The following NCOA2 variants were observed in gnomAD, a reference collection of about 807,000 sequenced individuals.
NCOA2 encodes the protein nuclear receptor coactivator 2.
A neutral mutation model predicts 145.1 loss-of-function variants in NCOA2; 21 were observed. That is an observed-to-expected ratio of 0.14 (90% CI 0.10 to 0.21). The LOEUF (loss-of-function observed/expected upper bound fraction) is 0.21. Among genes scored for constraint, NCOA2 ranks in the 10% least tolerant of loss-of-function variants. The probability of loss-of-function intolerance (pLI) is 1.00; values close to 1 mark genes in which losing one functional copy is unlikely to be tolerated. For synonymous variants in NCOA2, 619 were observed against 637.5 expected (o/e 0.97, Z 0.44); for missense variants, 1,472 against 1,837.6 (o/e 0.80, Z 3.64).
At chr8:70,311,527 T>C (rs932750807) in intron 1 of NCOA2, among the ~76,000 whole-genome samples, 1 of 152,266 alleles carries the variant, frequency 6.6e-6, no homozygotes, top group Non-Finnish European at 1.5e-5. Flanking sequence ...AACAGTGTAC[T>C]GCACAAGAAC....
At position 70,247,824 on chromosome 8, in the gene NCOA2, A is replaced by C. The variant is rs537423238; in HGVS notation, c.-19-31060T>G. Among the ~76,000 whole-genome samples, 3 of 152,372 alleles carry C rather than the reference A, an allele frequency of 2.0e-5. No individual in the cohort carries two copies. The South Asian group carries it at 6.2e-4, about 32-fold the overall frequency. ...ATGCTGTGCATTCCCTGACCAGATC[A>C]ATCGCAGCTAAGATAATGCCTTCTG... On this transcript the variant is annotated intron_variant, in intron 2 of 22. Transcript: ENST00000452400.
chr8:70,173,734 G>A (rs1814506705), intron 5 of NCOA2, among the ~76,000 whole-genome samples: 1 of 152,154 alleles, frequency 6.6e-6, no homozygotes, highest in Admixed American at 6.5e-5. Flanking sequence ...TACAAAGACT[G>A]GGTCAGATGC....
Position 70,112,539 on chromosome 8 carries a change from A to G in NCOA2, c.*1093T>C. On this transcript the variant is annotated 3_prime_UTR_variant, in exon 23 of 23. Transcript: ENST00000452400. ...ACACTGGCGTTTTCTCCCATTTTGG[A>G]GGCCAGAGTTGCTGGGGAACAGAAT... is the stretch of plus-strand genomic sequence containing the variant. The G allele has an allele frequency of 9.7e-6, 2 of 205,256 alleles. No homozygotes were observed. The highest frequency in any genetic ancestry group is 2.0e-5 in the Non-Finnish European group (2 of 100,408). 12.7% of individuals were successfully genotyped at this position (205,256 alleles called of 1,614,324 possible). A position where few individuals can be genotyped will look rare whatever the true frequency, so the allele number is the denominator to read the frequency against.
intron 2 of NCOA2, among the ~76,000 whole-genome samples, chr8:70,240,958 G>A (rs1050990573): frequency 2.0e-5 from 3 of 152,240 alleles, no homozygotes; most frequent in South Asian, 2.1e-4. Context: ...CTCCAAGTGG[G>A]AGGGGCAGGT....
chr8:70,245,430 C>G (rs995533016), intron 2 of NCOA2: 3 of 152,098 alleles, frequency 2.0e-5, no homozygotes, highest in Non-Finnish European at 4.4e-5. Flanking sequence ...TCACATGACT[C>G]AGAAGCTACA....
Position 70,221,088 on chromosome 8 carries a change from T to C in NCOA2, c.-19-4324A>G, listed in dbSNP as rs551115431. Reference sequence around the variant, plus strand: ...GCCTGATAAATCATCTAGCTCTTGTTATGAGAACAGAAAGACTTAGAGATT... The same window carrying C: ...GCCTGATAAATCATCTAGCTCTTGTCATGAGAACAGAAAGACTTAGAGATT... On this transcript the variant is annotated intron_variant, in intron 2 of 22. Coordinates refer to ENST00000452400, the MANE Select transcript of NCOA2 (RefSeq NM_006540.4). Among the ~76,000 whole-genome samples, 15 of 152,326 alleles carry C rather than the reference T, an allele frequency of 9.8e-5. No individual in the cohort carries two copies. In the South Asian group the frequency reaches 2.7e-3, roughly 27 times the overall value.
At chr8:70,450,226 C>G in the NCOA2 span, among the ~76,000 whole-genome samples, 1 of 152,326 alleles carries the variant, frequency 6.6e-6, no homozygotes, top group South Asian at 2.1e-4. Flanking sequence ...TGAACAAATT[C>G]ATATGTTCAA....
chr8:70,242,623 T>G (rs754804625), intron 2 of NCOA2, among the ~76,000 whole-genome samples: 9 of 152,264 alleles, frequency 5.9e-5, no homozygotes, highest in Non-Finnish European at 1.3e-4. Context: ...GAAAATTTGC[T>G]GGCTGTTACA....
the NCOA2 span, among the ~76,000 whole-genome samples, chr8:70,449,746 C>T: frequency 6.6e-6 from 1 of 152,242 alleles, no homozygotes; most frequent in Non-Finnish European, 1.5e-5. Flanking sequence ...AACAGGAGGT[C>T]TGCAGGGGCA....
the NCOA2 span, among the ~76,000 whole-genome samples, chr8:70,432,535 C>T: frequency 7.0e-3 from 1,061 of 152,274 alleles, 15 homozygotes; most frequent in African/African-American, 0.024. Context: ...TAGGGGCATG[C>T]ACCTGTAGTC....
At position 70,372,993 on chromosome 8, in the gene NCOA2, T is replaced by G. The variant is rs1418210128; in HGVS notation, c.-77+30707A>C. ...GTATCCCATTGTATGAATAATACAC[T>G]GTATTCAACCATTTACTCTACCCAT... On this transcript the variant is annotated intron_variant, in intron 1 of 22. Coordinates refer to ENST00000452400, the MANE Select transcript of NCOA2 (RefSeq NM_006540.4). 2.6e-5 allele frequency among the ~76,000 whole-genome samples: 4 copies of G among 152,366 alleles called. No homozygotes were observed. In the East Asian group the frequency reaches 7.7e-4, roughly 29 times the overall value.
At chr8:70,319,529 C>G (rs1485158396) in intron 1 of NCOA2, among the ~76,000 whole-genome samples, 1 of 129,114 alleles carries the variant, frequency 7.7e-6, no homozygotes, top group Non-Finnish European at 1.6e-5. Flanking sequence ...GCAACAGAGA[C>G]CCTGTCTCAA....
At chr8:70,426,222 C>G in the NCOA2 span, among the ~76,000 whole-genome samples, 1 of 152,134 alleles carries the variant, frequency 6.6e-6, no homozygotes, top group East Asian at 1.9e-4. Flanking sequence ...AACTAATGCA[C>G]TCTTAGAGAT....
chr8:70,425,130 C>T, the NCOA2 span, among the ~76,000 whole-genome samples: 2 of 152,182 alleles, frequency 1.3e-5, no homozygotes, highest in Non-Finnish European at 2.9e-5. Flanking sequence ...AATACCCTCC[C>T]AAAGCTGGAA....
At chr8:70,305,052 T>A (rs1162733498) in intron 1 of NCOA2, among the ~76,000 whole-genome samples, 1 of 148,308 alleles carries the variant, frequency 6.7e-6, no homozygotes, top group Admixed American at 6.7e-5. Context: ...ATTCATTCTT[T>A]TTTTTTTTTT....
intron 2 of NCOA2, among the ~76,000 whole-genome samples, chr8:70,280,133 GT>G (rs1053159687): frequency 5.3e-5 from 8 of 152,164 alleles, no homozygotes; most frequent in African/African-American, 1.9e-4. Context: ...CATTTATATA[GT>G]TTAAAGCTCA....
chr8:70,245,474 C>G (rs916564840), intron 2 of NCOA2: 7 of 151,934 alleles, frequency 4.6e-5, no homozygotes, highest in African/African-American at 1.2e-4. Flanking sequence ...ACTGAGTAAG[C>G]CTCTACCCCT....
chr8:70,409,863 G>C, the NCOA2 span, among the ~76,000 whole-genome samples: 1 of 152,018 alleles, frequency 6.6e-6, no homozygotes, highest in African/African-American at 2.4e-5. Flanking sequence ...CTGAGCAAGA[G>C]AGCAAGACCC....
intron 1 of NCOA2, among the ~76,000 whole-genome samples, chr8:70,320,629 T>C (rs984005212): frequency 9.2e-5 from 14 of 152,242 alleles, no homozygotes; most frequent in African/African-American, 2.4e-4. Flanking sequence ...AAATTTTACA[T>C]GCAATCAAAC....
Sources: gnomAD v4.1 joint callset for allele counts (sites outside exome capture counted in the v4.1 genomes callset) on GRCh38, gnomAD v4.1.1 for gene constraint, MANE v1.5 for transcripts, NCBI Gene and HGNC (gene_info 2026-07-23, HGNC 2026-07-21) for gene names.